EVC2: variants seen among roughly 807,000 people sequenced by gnomAD.
EVC2 encodes EvC ciliary complex subunit 2.
In EVC2, 148 loss-of-function variants were observed where a neutral mutation model predicts 149.3. The observed-to-expected ratio is 0.99, with a 90% CI of 0.87 to 1.14. The LOEUF (loss-of-function observed/expected upper bound fraction) is 1.14. EVC2 is among the 50% of genes most tolerant of loss of function. The probability of loss-of-function intolerance (pLI) is 0.00; values close to 1 mark genes in which losing one functional copy is unlikely to be tolerated. For synonymous variants in EVC2, 776 were observed against 649.9 expected, an observed-to-expected ratio of 1.19 and a Z score of -2.95; for missense variants, 1,854 against 1,627.3, an observed-to-expected ratio of 1.14 and a Z score of -2.40.
intron 1 of EVC2, among the ~76,000 whole-genome samples, chr4:5,704,539 A>G (rs1354022893): frequency 6.6e-6 from 1 of 152,068 alleles, no homozygotes; most frequent in East Asian, 1.9e-4. Flanking sequence ...GGAGATGGAA[A>G]TTCGGGAGCT....
chr4:5,684,581 G>A (rs1175478218), intron 6 of EVC2, among the ~76,000 whole-genome samples: 3 of 134,162 alleles, frequency 2.2e-5, no homozygotes, highest in Non-Finnish European at 4.7e-5. Context: ...TACCCGGGGT[G>A]TGCAGCACCT....
chr4:5,706,387 T>C lies in EVC2; in HGVS notation c.228+1899A>G, dbSNP rs1722171096. On this transcript the variant is annotated intron_variant, in intron 1 of 21. Transcript: ENST00000344408. Reference sequence around the variant, plus strand: ...ATAGATACATAGATAGATACATAGATAGATACATAGATAGATAGATAGATA... The same window carrying C: ...ATAGATACATAGATAGATACATAGACAGATACATAGATAGATAGATAGATA... Among the ~76,000 whole-genome samples the C allele has an allele frequency of 1.2e-4, 17 of 136,398 alleles. 2 individuals are homozygous for C. The highest frequency in any genetic ancestry group is 4.5e-4 in the African/African-American group (16 of 35,846). 89.5% of individuals were successfully genotyped at this position (136,398 alleles called of 152,430 possible).
chr4:5,623,854 C>T (rs1038195965), intron 13 of EVC2, among the ~76,000 whole-genome samples: 6 of 152,154 alleles, frequency 3.9e-5, no homozygotes, highest in African/African-American at 1.4e-4. Context: ...AATAGGACCT[C>T]CCTTTCAGAA....
Position 5,614,485 on chromosome 4 carries a change from G to C in EVC2, c.2829+937C>G, listed in dbSNP as rs548526567. Among the ~76,000 whole-genome samples the C allele has an allele frequency of 3.9e-4, 60 of 152,284 alleles. No homozygotes were observed. Among genetic ancestry groups the C allele is most frequent in the African/African-American group, 1.3e-3 (52 of 41,572 alleles). ...GGAAGAGTTGGAAGTGGGGTGGAAT[G>C]AGTGGGAGAATCTACGGTGTTCGGG... On this transcript the variant is annotated intron_variant, in intron 16 of 21. Transcript: ENST00000344408. This position sits in a 1 kb window ranked among gnomAD's most constrained non-coding sequence, Gnocchi z 4.7.
chr4:5,649,480 A>G (rs1485487087), intron 9 of EVC2, among the ~76,000 whole-genome samples: 2 of 152,256 alleles, frequency 1.3e-5, no homozygotes, highest in African/African-American at 4.8e-5. Flanking sequence ...ATAAAAAAAG[A>G]GAGAAGATGA....
rs545385877 is a variant in EVC2, at chr4:5,633,708, G to A, written c.1471-1676C>T. Reference sequence around the variant, plus strand: ...CCATGGCTGGGCTGAGTAGAAGCCCGAGGAAGGCAGAAGGGGCTCCGGTGC... The same window carrying A: ...CCATGGCTGGGCTGAGTAGAAGCCCAAGGAAGGCAGAAGGGGCTCCGGTGC... On this transcript the variant is annotated intron_variant, in intron 10 of 21. Transcript: ENST00000344408. The surrounding 1 kb of genome is among the most constrained non-coding windows in gnomAD (Gnocchi z 4.4). 1.4e-4 allele frequency among the ~76,000 whole-genome samples: 21 copies of A among 152,274 alleles called. No individual in the cohort carries two copies. Among genetic ancestry groups the A allele is most frequent in the Non-Finnish European group, 2.1e-4 (14 of 68,050 alleles).
Position 5,698,501 on chromosome 4 carries a change from A to G in EVC2, c.229-854T>C, listed in dbSNP as rs146691522. ...GTCTGCTCAGCCTCATTGGTGATGA[A>G]AATTTGTCTAAACTGAGCCTGGCCA... On this transcript the variant is annotated intron_variant, in intron 1 of 21. Coordinates refer to ENST00000344408, the MANE Select transcript of EVC2 (RefSeq NM_147127.5). Among the ~76,000 whole-genome samples the G allele has an allele frequency of 6.6e-5, 10 of 152,300 alleles. No individual in the cohort carries two copies. The East Asian group carries it at 1.9e-3, about 29-fold the overall frequency.
At position 5,688,642 on chromosome 4, in the gene EVC2, G is replaced by A. The variant is rs116374816; in HGVS notation, c.706+515C>T. Among the ~76,000 whole-genome samples, 843 of 152,246 alleles carry A rather than the reference G, an allele frequency of 5.5e-3. 4 individuals are homozygous for A. The highest frequency in any genetic ancestry group is 0.019 in the African/African-American group (804 of 41,548). ...CCAGTGAGGGTGGCAGAGTCTACAA[G>A]CCAACCAAGCAGCCCTGGAGTTACC... On this transcript the variant is annotated intron_variant, in intron 5 of 21. Coordinates refer to ENST00000344408, the MANE Select transcript of EVC2 (RefSeq NM_147127.5).
chr4:5,610,788 C>T (rs1197490122), intron 16 of EVC2, among the ~76,000 whole-genome samples: 1 of 124,348 alleles, frequency 8.0e-6, no homozygotes, highest in Admixed American at 7.8e-5. Flanking sequence ...GCTCCTTTTT[C>T]CTTTTCTTTT....
chr4:5,587,889 G>T (rs1465431732), intron 16 of EVC2, among the ~76,000 whole-genome samples: 2 of 152,214 alleles, frequency 1.3e-5, no homozygotes, highest in Admixed American at 6.5e-5. Flanking sequence ...TTAACTACCA[G>T]GCCCAGGGTG....
chr4:5,699,810 G>A (rs949023316), intron 1 of EVC2, among the ~76,000 whole-genome samples: 4 of 151,898 alleles, frequency 2.6e-5, no homozygotes, highest in African/African-American at 9.7e-5. Flanking sequence ...AAGACGAAGT[G>A]AGACCCTCTC....
intron 16 of EVC2, among the ~76,000 whole-genome samples, chr4:5,608,864 T>C (rs1474466721): frequency 1.3e-5 from 2 of 152,158 alleles, no homozygotes; most frequent in Admixed American, 6.5e-5. Context: ...CAGCAGATAG[T>C]AGAGATTACC....
intron 9 of EVC2, among the ~76,000 whole-genome samples, chr4:5,655,188 C>T (rs142791128): frequency 6.6e-6 from 1 of 152,294 alleles, no homozygotes; most frequent in Non-Finnish European, 1.5e-5. Flanking sequence ...ATAAGAACCC[C>T]GTCATGTCAG....
At chr4:5,536,593 G>C in the EVC2 span, among the ~76,000 whole-genome samples, 442 of 152,206 alleles carry the variant, frequency 2.9e-3, 6 homozygotes, top group African/African-American at 0.01. Flanking sequence ...GACCATCTTG[G>C]CTAACATGGT....
At chr4:5,594,240 G>T (rs1198492877) in intron 16 of EVC2, among the ~76,000 whole-genome samples, 1 of 152,200 alleles carries the variant, frequency 6.6e-6, no homozygotes, top group African/African-American at 2.4e-5. Flanking sequence ...GCACGCAGCT[G>T]GAGATCTGAG....
chr4:5,594,847 A>G (rs1211962349), intron 16 of EVC2, among the ~76,000 whole-genome samples: 1 of 152,222 alleles, frequency 6.6e-6, no homozygotes, highest in Non-Finnish European at 1.5e-5. Context: ...ATGTATAACT[A>G]GAATAACCAA....
chr4:5,545,410 G>A (rs1311900916), intron 21 of EVC2, among the ~76,000 whole-genome samples: 1 of 152,168 alleles, frequency 6.6e-6, no homozygotes, highest in Non-Finnish European at 1.5e-5. Context: ...GACTCTGAGG[G>A]AATTACTCAT....
At chr4:5,595,910 G>A (rs1197072175) in intron 16 of EVC2, among the ~76,000 whole-genome samples, 3 of 152,140 alleles carry the variant, frequency 2.0e-5, no homozygotes, top group East Asian at 1.9e-4. Flanking sequence ...AAAGGCAGGG[G>A]TTGCAATCCT....
At position 5,618,498 on chromosome 4, in the gene EVC2, C is replaced by T. The variant is rs761177898; in HGVS notation, c.2686G>A (p.Val896Met). The part of the protein sequence containing the change: ...EAEFVKLDQA[V>M]AAPELQQQSK... The stretch of plus-strand genomic sequence containing the variant: ...CCTACCTGCAGCTCAGGGGCAGCCA[C>T]GGCCTGGTCCAGCTTCACGAACTCT... The change falls in exon 15 of 22, where the codon GTG becomes ATG. Residue 896 changes from valine to methionine, a missense_variant. By Grantham distance (21) the Val-to-Met change is conservative (BLOSUM62 1). Coordinates refer to ENST00000344408, the MANE Select transcript of EVC2 (RefSeq NM_147127.5). The surrounding 1 kb of genome is among the most constrained non-coding windows in gnomAD (Gnocchi z 4.4). 32 of 1,613,186 alleles carry T rather than the reference C, an allele frequency of 2.0e-5. No homozygotes were observed. The highest frequency in any genetic ancestry group is 3.7e-4 in the Middle Eastern group (2 of 5,334).
Sources: gnomAD v4.1 joint callset for allele counts (sites outside exome capture counted in the v4.1 genomes callset) on GRCh38, gnomAD v4.1.1 for gene constraint, Gnocchi (gnomAD v3.1) non-coding constraint, MANE v1.5 for transcripts, NCBI Gene and HGNC (gene_info 2026-07-23, HGNC 2026-07-21) for gene names.